CDH17: variants seen among roughly 807,000 people sequenced by gnomAD.
CDH17 encodes cadherin-17.
Under a neutral mutation model 86.3 loss-of-function variants are expected in CDH17, and 67 were observed. That is an observed-to-expected ratio of 0.78 (90% confidence interval 0.64 to 0.95). The LOEUF (loss-of-function observed/expected upper bound fraction) is 0.95. CDH17 is among the 40% of genes least tolerant of loss of function. The pLI is 0.00. For missense variants in CDH17, 993 were observed against 1,017.6 expected, an observed-to-expected ratio of 0.98 and a Z score of 0.33; for synonymous variants, 367 against 366.4, an observed-to-expected ratio of 1.00 and a Z score of -0.02.
At chr8:94,213,243 A>G (rs1457177705), upstream of CDH17, among the ~76,000 whole-genome samples, 1 of 152,224 alleles carries the variant, frequency 6.6e-6, no homozygotes, top group Admixed American at 6.5e-5. Context: ...AAGTGCTGGT[A>G]TTACAGATGT....
At chr8:94,192,898 G>A (rs183994181) in intron 2 of CDH17, among the ~76,000 whole-genome samples, 10 of 152,160 alleles carry the variant, frequency 6.6e-5, no homozygotes, top group South Asian at 4.1e-4. Context: ...AGATCTACTC[G>A]CAGTCTGGAG....
At chr8:94,167,385 C>A (rs2130630191) in intron 9 of CDH17, among the ~76,000 whole-genome samples, 1 of 152,186 alleles carries the variant, frequency 6.6e-6, no homozygotes, top group Admixed American at 6.5e-5. Context: ...AGTTACACCC[C>A]CTCCCCCATC....
At chr8:94,171,868 T>G (rs904302610) in intron 7 of CDH17, among the ~76,000 whole-genome samples, 4 of 152,070 alleles carry the variant, frequency 2.6e-5, no homozygotes, top group African/African-American at 9.7e-5. Context: ...CCCTTGCTAA[T>G]TATTTAAGCA....
At chr8:94,206,469 ACT>A (rs1814028784) in intron 1 of CDH17, among the ~76,000 whole-genome samples, 1 of 152,156 alleles carries the variant, frequency 6.6e-6, no homozygotes, top group African/African-American at 2.4e-5. Flanking sequence ...CTGTTCAAGC[ACT>A]GTTTGTCGGC....
At chr8:94,141,427 T>C (rs1169965946) in intron 15 of CDH17, among the ~76,000 whole-genome samples, 3 of 152,138 alleles carry the variant, frequency 2.0e-5, no homozygotes, top group Non-Finnish European at 4.4e-5. Flanking sequence ...TTTCTGCTCT[T>C]ACTACCTCTA....
intron 3 of CDH17, among the ~76,000 whole-genome samples, chr8:94,181,989 G>C (rs1419616753): frequency 6.6e-6 from 1 of 151,966 alleles, no homozygotes; most frequent in Non-Finnish European, 1.5e-5. Flanking sequence ...GTATTAAAGA[G>C]AATATTGTGA....
intron 1 of CDH17, among the ~76,000 whole-genome samples, chr8:94,199,080 T>C (rs1414265560): frequency 1.0e-4 from 1 of 9,936 alleles, no homozygotes; most frequent in African/African-American, 2.4e-4. Flanking sequence ...TATATATATA[T>C]ATATTTTTTT....
intron 7 of CDH17, among the ~76,000 whole-genome samples, chr8:94,173,068 A>G (rs1813300404): frequency 6.6e-6 from 1 of 152,160 alleles, no homozygotes; most frequent in African/African-American, 2.4e-5. Context: ...AGTGCACCAT[A>G]AATGACCCAC....
chr8:94,214,391 TAAGAG>T (rs1814165452), intron 1 of CDH17, among the ~76,000 whole-genome samples: 1 of 152,186 alleles, frequency 6.6e-6, no homozygotes, highest in Non-Finnish European at 1.5e-5. Context: ...ATTCTGCCCT[TAAGAG>T]AAGTATTTCC....
At position 94,165,903 on chromosome 8, in the gene CDH17, C is replaced by T. The variant is rs1483710695; in HGVS notation, c.1140G>A (p.Arg380=). 5.0e-6 allele frequency: 8 copies of T among 1,613,772 alleles called. No homozygotes were observed. The African/African-American group carries it at 1.1e-4, about 22-fold the overall frequency. The change falls in exon 10 of 18, where the codon AGG becomes AGA. Residue 380 remains arginine, a synonymous_variant. Coordinates refer to ENST00000027335, the MANE Select transcript of CDH17 (RefSeq NM_004063.4). ...GAAGTTTGGGAGTTTGCTCCACAAT[C>T]CTGTAGTTTAGAAAACTGTTGGCAG... is the stretch of plus-strand genomic sequence containing the variant. ...ENTANSFLNY[R]IVEQTPKLPM...
chr8:94,154,902 C>T (rs760617178), intron 12 of CDH17, among the ~76,000 whole-genome samples: 1 of 152,114 alleles, frequency 6.6e-6, no homozygotes, highest in East Asian at 1.9e-4. Flanking sequence ...CCTTGAGGGC[C>T]TCCATGGAGA....
chr8:94,184,275 C>T (rs1441641408), intron 3 of CDH17, among the ~76,000 whole-genome samples: 1 of 151,804 alleles, frequency 6.6e-6, no homozygotes, highest in Non-Finnish European at 1.5e-5. Flanking sequence ...AAAAGTTGTA[C>T]ATGAATAGCC....
chr8:94,193,355 T>C (rs1813722998), intron 2 of CDH17, among the ~76,000 whole-genome samples: 1 of 152,244 alleles, frequency 6.6e-6, no homozygotes, highest in African/African-American at 2.4e-5. Flanking sequence ...CATGTGGACG[T>C]ACACACTGAA....
rs189818244 is a variant in CDH17, at chr8:94,148,268, G to A, written c.1927+476C>T. Reference sequence around the variant, plus strand: ...TAACAAAACCACAAAGGGGCTGGGCGTGGTGGCTCACACCTGTAATCCCAG... The same window carrying A: ...TAACAAAACCACAAAGGGGCTGGGCATGGTGGCTCACACCTGTAATCCCAG... On this transcript the variant is annotated intron_variant, in intron 14 of 17. Transcript: ENST00000027335. Among the ~76,000 whole-genome samples, 352 of 152,240 alleles carry A rather than the reference G, an allele frequency of 2.3e-3. 1 individual carries two copies. Among genetic ancestry groups the A allele is most frequent in the African/African-American group, 7.1e-3 (297 of 41,554 alleles).
Position 94,128,149 on chromosome 8 carries a change from T to A in CDH17, c.*91A>T, listed in dbSNP as rs573412175. 1.0e-4 allele frequency: 81 copies of A among 808,612 alleles called. No homozygotes were observed. The African/African-American group carries it at 1.2e-3, about 12-fold the overall frequency. The allele number at this position is 808,612 out of a possible 1,614,324, so 50.1% of individuals were successfully genotyped here. A position where few individuals can be genotyped will look rare whatever the true frequency, so the allele number is the denominator to read the frequency against. The stretch of plus-strand genomic sequence containing the variant: ...CAAGAGGGAATATCTGTTTAAAAAA[T>A]TATAATGCACGTTAGATGAAAAGTA... On this transcript the variant is annotated 3_prime_UTR_variant, in exon 18 of 18. Transcript: ENST00000027335.
intron 7 of CDH17, among the ~76,000 whole-genome samples, chr8:94,173,464 C>T (rs1006749244): frequency 6.6e-6 from 1 of 152,176 alleles, no homozygotes; most frequent in South Asian, 2.1e-4. Flanking sequence ...GTAATTTTCC[C>T]AAGGCCCTCA....
intron 8 of CDH17, 95 bp downstream of exon 8, chr8:94,170,756 GTTT>G: frequency 7.8e-7 from 1 of 1,276,756 alleles, no homozygotes. Context: ...TGAAATGTGT[GTTT>G]TTTTTTTCTT....
chr8:94,186,385 C>T (rs1445296350), intron 3 of CDH17, among the ~76,000 whole-genome samples: 1 of 152,140 alleles, frequency 6.6e-6, no homozygotes, highest in African/African-American at 2.4e-5. Flanking sequence ...GTTTATCGCT[C>T]ATAGTTCTGA....
intron 1 of CDH17, among the ~76,000 whole-genome samples, chr8:94,195,427 A>C (rs2130671837): frequency 6.6e-6 from 1 of 152,372 alleles, no homozygotes; most frequent in Admixed American, 6.5e-5. Flanking sequence ...AAGAATGCTC[A>C]CAATTCTTCA....
Sources: gnomAD v4.1 joint callset for allele counts (sites outside exome capture counted in the v4.1 genomes callset) on GRCh38, gnomAD v4.1.1 for gene constraint, MANE v1.5 for transcripts, NCBI Gene and HGNC (gene_info 2026-07-23, HGNC 2026-07-21) for gene names.